SLCO4C1: variants seen among roughly 807,000 people sequenced by gnomAD.
SLCO4C1 encodes the protein solute carrier organic anion transporter family member 4C1.
A neutral mutation model predicts 72.1 loss-of-function variants in SLCO4C1; 58 were observed. The observed-to-expected ratio is 0.80, with a 90% CI of 0.65 to 1.00. The LOEUF is 1.00. Among genes scored for constraint, SLCO4C1 ranks in the 50% least tolerant of loss-of-function variants. The pLI is 0.00. For missense variants in SLCO4C1, 898 were observed against 857.9 expected (o/e 1.05, Z -0.58); for synonymous variants, 297 against 312.5 (o/e 0.95, Z 0.52).
At position 102,263,747 on chromosome 5, in the gene SLCO4C1, G is replaced by A. The variant is rs1352515702; in HGVS notation, c.836C>T (p.Ala279Val). ...TGYAMSILGPAIGYVLGGQLL... is the reference protein window; with the variant it reads ...TGYAMSILGPVIGYVLGGQLL... ...TTGTCCTCCCAATACATAGCCAATA[G>A]CAGGGCCTAAGATTGACATAGCATA... Residue 279 changes from alanine to valine, a missense_variant, in exon 4 of 13, where the codon GCT becomes GTT. Physicochemically the swap from Ala to Val is moderately conservative, Grantham distance 64 (BLOSUM62 0). Coordinates refer to ENST00000310954, the MANE Select transcript of SLCO4C1 (RefSeq NM_180991.5). 4.3e-6 allele frequency: 7 copies of A among 1,612,816 alleles called. No homozygotes were observed. The highest frequency in any genetic ancestry group is 5.9e-6 in the Non-Finnish European group (7 of 1,179,174).
intron 7 of SLCO4C1, among the ~76,000 whole-genome samples, chr5:102,257,645 A>T (rs1417200641): frequency 6.8e-6 from 1 of 146,790 alleles, no homozygotes; most frequent in African/African-American, 2.5e-5. Flanking sequence ...TAAAGACAAG[A>T]TCTCATTCTG....
At chr5:102,240,870 T>A in intron 10 of SLCO4C1, 88 bp from the exon 11 acceptor site, 5 of 891,462 alleles carry the variant, frequency 5.6e-6, no homozygotes, top group Non-Finnish European at 8.7e-6. Flanking sequence ...GAGTTTAGCA[T>A]TCCTATATTA....
chr5:102,257,594 T>C (rs1173290777), intron 7 of SLCO4C1, among the ~76,000 whole-genome samples: 1 of 150,006 alleles, frequency 6.7e-6, no homozygotes, highest in Admixed American at 6.8e-5. Context: ...ATCAGAAATT[T>C]TTACCAAAAT....
chr5:102,287,431 C>G (rs755255338), intron 2 of SLCO4C1, among the ~76,000 whole-genome samples: 1 of 151,766 alleles, frequency 6.6e-6, no homozygotes, highest in Non-Finnish European at 1.5e-5. Context: ...AATAAACAAA[C>G]CATAAAAATT....
chr5:102,288,156 A>G (rs1159527226), intron 2 of SLCO4C1, among the ~76,000 whole-genome samples: 2 of 152,210 alleles, frequency 1.3e-5, no homozygotes, highest in Non-Finnish European at 2.9e-5. Context: ...TTGCACTTCT[A>G]GGAATCAAAC....
chr5:102,270,739 C>A lies in SLCO4C1; in HGVS notation c.687G>T (p.Leu229Phe). ...TSSTSSLSNY[L>F]YVFILGQLLL... ...ATAGTTGTCCCAAGATGAAGACATACAAGTAGTTAGAAAGTGAAGAAGTTG... is the reference window on the plus strand; with the variant it reads ...ATAGTTGTCCCAAGATGAAGACATAAAAGTAGTTAGAAAGTGAAGAAGTTG... The change falls in exon 3 of 13, where the codon TTG becomes TTT. Residue 229 changes from leucine (L) to phenylalanine (F), a missense_variant. Coordinates refer to ENST00000310954, the MANE Select transcript of SLCO4C1 (RefSeq NM_180991.5). 2 of 1,612,722 alleles carry A rather than the reference C, an allele frequency of 1.2e-6. No homozygotes were observed. Among genetic ancestry groups the A allele is most frequent in the Non-Finnish European group, 1.7e-6 (2 of 1,179,358 alleles).
intron 5 of SLCO4C1, among the ~76,000 whole-genome samples, chr5:102,260,729 T>G (rs922483821): frequency 1.3e-5 from 2 of 152,130 alleles, no homozygotes; most frequent in Non-Finnish European, 2.9e-5. Flanking sequence ...ATTAAAGTAC[T>G]TTTGTGGCTT....
At chr5:102,276,736 G>A (rs1037207838) in intron 2 of SLCO4C1, among the ~76,000 whole-genome samples, 1 of 152,068 alleles carries the variant, frequency 6.6e-6, no homozygotes, top group African/African-American at 2.4e-5. Flanking sequence ...TTGGTAACTA[G>A]GATCCATTAG....
Position 102,296,186 on chromosome 5 carries a change from G to A in SLCO4C1, c.77C>T (p.Ser26Leu), listed in dbSNP as rs370772442. The A allele has an allele frequency of 6.8e-6, 11 of 1,607,006 alleles. No homozygotes were observed. In the African/African-American group the frequency reaches 1.5e-4, roughly 22 times the overall value. ...GGCAGAGACTTCGATTTGGGAGGGC[G>A]ACGCAGACAAGCGGCGCAGGATGTC... ...SPDILRRLSA[S>L]PSQIEVSALS... is the part of the protein sequence containing the mutation. The change falls in exon 1 of 13, where the codon TCG (serine) becomes TTG (leucine). Residue 26 changes from serine to leucine, a missense_variant. Transcript: ENST00000310954.
In SLCO4C1 at chr5:102,249,752, A is replaced by T. The variant is rs540887072; in HGVS notation, c.1506T>A (p.Asn502Lys). ...GELGNLIAPC[N>K]ANCNCSRSYY... ...ATGATCGCGAACAGTTACAATTGGCATTACAAGGGGCTATCAAGTTTCCCA... is the reference window on the plus strand; with the variant it reads ...ATGATCGCGAACAGTTACAATTGGCTTTACAAGGGGCTATCAAGTTTCCCA... Residue 502 changes from asparagine (N) to lysine (K), a missense_variant, in exon 9 of 13, where the codon AAT becomes AAA. Transcript: ENST00000310954. 6.2e-7 allele frequency: 1 copy of T among 1,613,960 alleles called. No individual in the cohort carries two copies. The highest frequency in any genetic ancestry group is 1.1e-5 in the South Asian group (1 of 91,058).
At chr5:102,295,413 CTAATTT>C (rs1749630207) in intron 1 of SLCO4C1, among the ~76,000 whole-genome samples, 1 of 152,204 alleles carries the variant, frequency 6.6e-6, no homozygotes, top group Non-Finnish European at 1.5e-5. Context: ...ATGTCTGTAT[CTAATTT>C]ATACGATAGA....
chr5:102,238,483 T>C lies in SLCO4C1; in HGVS notation c.2014+768A>G, dbSNP rs748458976. On this transcript the variant is annotated intron_variant, in intron 12 of 12. Coordinates refer to ENST00000310954, the MANE Select transcript of SLCO4C1 (RefSeq NM_180991.5). ...CAAATATTCTATTACTCTATCTCTA[T>C]CAACTCAGAAAGCATACTCTGGATT... Among the ~76,000 whole-genome samples, 214 of 152,236 alleles carry C rather than the reference T, an allele frequency of 1.4e-3. 2 individuals carry two copies. The highest frequency in any genetic ancestry group is 3.4e-3 in the Middle Eastern group (1 of 290).
intron 2 of SLCO4C1, among the ~76,000 whole-genome samples, chr5:102,285,446 G>T (rs563399679): frequency 1.3e-5 from 2 of 151,958 alleles, no homozygotes; most frequent in Non-Finnish European, 2.9e-5. Flanking sequence ...CACCATGCCC[G>T]GCTAATTTTT....
At chr5:102,243,815 C>G (rs1303772566) in intron 10 of SLCO4C1, among the ~76,000 whole-genome samples, 1 of 152,078 alleles carries the variant, frequency 6.6e-6, no homozygotes, top group African/African-American at 2.4e-5. Flanking sequence ...AATAGCTGTG[C>G]TGAGGAAACT....
At chr5:102,276,768 T>A (rs1177116667) in intron 2 of SLCO4C1, among the ~76,000 whole-genome samples, 1 of 152,138 alleles carries the variant, frequency 6.6e-6, no homozygotes, top group African/African-American at 2.4e-5. Context: ...TAGTGAACTC[T>A]CCCTGTTGAA....
At chr5:102,269,308 A>T (rs1338871854) in intron 3 of SLCO4C1, among the ~76,000 whole-genome samples, 1 of 151,804 alleles carries the variant, frequency 6.6e-6, no homozygotes, top group Non-Finnish European at 1.5e-5. Context: ...AAATTCAAAT[A>T]TTTGTATACT....
chr5:102,253,928 C>T (rs1748787539), intron 8 of SLCO4C1, among the ~76,000 whole-genome samples: 1 of 150,270 alleles, frequency 6.7e-6, no homozygotes. Context: ...CACATGTACC[C>T]CCTGAATCTA....
Position 102,234,661 on chromosome 5 carries a change from T to C in SLCO4C1, c.*2197A>G, listed in dbSNP as rs760782924. 6.6e-6 allele frequency: 1 copy of C among 152,216 alleles called. No individual in the cohort carries two copies. Among genetic ancestry groups the C allele is most frequent in the African/African-American group, 2.4e-5 (1 of 41,472 alleles). 9.4% of individuals were successfully genotyped at this position (152,216 alleles called of 1,614,324 possible). On this transcript the variant is annotated 3_prime_UTR_variant, in exon 13 of 13. Transcript: ENST00000310954. ...AAGTGGCCCTAGACTAATATATTTG[T>C]TCAGTTATTCTGTTTTCTTCCTTAC...
intron 2 of SLCO4C1, among the ~76,000 whole-genome samples, chr5:102,283,316 TA>T (rs763005522): frequency 7.9e-5 from 12 of 152,156 alleles, no homozygotes; most frequent in Non-Finnish European, 1.2e-4. Context: ...CAACATAATT[TA>T]TAGTCAAAGA....
Sources: gnomAD v4.1 joint callset for allele counts (sites outside exome capture counted in the v4.1 genomes callset) on GRCh38, gnomAD v4.1.1 for gene constraint, MANE v1.5 for transcripts, NCBI Gene and HGNC (gene_info 2026-07-23, HGNC 2026-07-21) for gene names.